The following DLGAP1 variants were observed in gnomAD, a reference collection of about 807,000 sequenced individuals.
The protein encoded by DLGAP1 is disks large-associated protein 1.
Under a neutral mutation model 90.8 loss-of-function variants are expected in DLGAP1, and 11 were observed. The observed-to-expected ratio is 0.12, with a 90% CI of 0.08 to 0.20. The LOEUF (loss-of-function observed/expected upper bound fraction) is 0.20. Among genes scored for constraint, DLGAP1 ranks in the 10% least tolerant of loss-of-function variants. The pLI is 1.00. For synonymous variants in DLGAP1, 558 were observed against 540.7 expected (o/e 1.03, Z -0.44); for missense variants, 1,050 against 1,333.8 (o/e 0.79, Z 3.31).
chr18:4,041,341 A>C (rs1390991125), intron 2 of DLGAP1, among the ~76,000 whole-genome samples: 2 of 152,214 alleles, frequency 1.3e-5, no homozygotes, highest in African/African-American at 4.8e-5. Flanking sequence ...TAAATGAGGA[A>C]TATGGAGTAG....
intron 1 of DLGAP1, among the ~76,000 whole-genome samples, chr18:4,375,515 G>A (rs898498398): frequency 6.6e-6 from 1 of 152,004 alleles, no homozygotes; most frequent in African/African-American, 2.4e-5. Flanking sequence ...TTAAGTTTTC[G>A]AAACTGAGAC....
intron 2 of DLGAP1, among the ~76,000 whole-genome samples, chr18:4,065,107 G>A (rs1035916574): frequency 6.6e-6 from 1 of 152,000 alleles, no homozygotes; most frequent in South Asian, 2.1e-4. Flanking sequence ...ATGCAGAAAC[G>A]TCTTTTGATA....
chr18:4,132,632 C>T (rs1417836051), intron 2 of DLGAP1, among the ~76,000 whole-genome samples: 1 of 152,154 alleles, frequency 6.6e-6, no homozygotes, highest in African/African-American at 2.4e-5. Flanking sequence ...ATCATATCAT[C>T]CTACAAAAGA....
At chr18:3,992,202 C>T (rs994466581) in intron 3 of DLGAP1, among the ~76,000 whole-genome samples, 1 of 152,154 alleles carries the variant, frequency 6.6e-6, no homozygotes. Context: ...ATTTAAAGCA[C>T]GTTTGAAAAG....
chr18:3,948,471 G>C (rs1030622670), intron 3 of DLGAP1, among the ~76,000 whole-genome samples: 9 of 152,146 alleles, frequency 5.9e-5, no homozygotes, highest in Non-Finnish European at 1.2e-4. Flanking sequence ...CCTTCCTACT[G>C]CCTGCCTCTC....
At chr18:3,530,917 G>C (rs1212247022) in intron 10 of DLGAP1, among the ~76,000 whole-genome samples, 2 of 152,190 alleles carry the variant, frequency 1.3e-5, no homozygotes, top group East Asian at 3.8e-4. Context: ...CGATAAGCTA[G>C]TCAGTCATTT....
At chr18:4,216,470 C>A (rs1369915831) in intron 1 of DLGAP1, among the ~76,000 whole-genome samples, 1 of 152,030 alleles carries the variant, frequency 6.6e-6, no homozygotes, top group Non-Finnish European at 1.5e-5. Flanking sequence ...TTTTAAACAC[C>A]ATTTTGAATG....
chr18:3,891,025 A>C (rs570673984), intron 3 of DLGAP1, among the ~76,000 whole-genome samples: 45 of 152,370 alleles, frequency 3.0e-4, no homozygotes, highest in African/African-American at 1.0e-3. Flanking sequence ...TATTTATTGA[A>C]TAGCTATTAT....
At chr18:4,363,886 A>G (rs4401127) in intron 1 of DLGAP1, among the ~76,000 whole-genome samples, 3 of 151,934 alleles carry the variant, frequency 2.0e-5, no homozygotes, top group Admixed American at 2.0e-4. Flanking sequence ...TACCATTTGA[A>G]CCAGCCATCC....
At chr18:4,389,917 T>A (rs2082307691) in intron 1 of DLGAP1, among the ~76,000 whole-genome samples, 1 of 152,212 alleles carries the variant, frequency 6.6e-6, no homozygotes, top group African/African-American at 2.4e-5. Flanking sequence ...TAAATCTAGA[T>A]GTCTATTTCC....
intron 4 of DLGAP1, among the ~76,000 whole-genome samples, chr18:3,844,364 C>A (rs1450901802): frequency 6.6e-6 from 1 of 152,192 alleles, no homozygotes; most frequent in Non-Finnish European, 1.5e-5. Context: ...ATGATAATTT[C>A]TTCCCCAGCT....
At chr18:3,788,296 G>A (rs139883211) in intron 5 of DLGAP1, among the ~76,000 whole-genome samples, 23 of 152,276 alleles carry the variant, frequency 1.5e-4, no homozygotes, top group African/African-American at 4.8e-4. Context: ...GAAAGATAGG[G>A]AGGAAACTTT....
intron 3 of DLGAP1, among the ~76,000 whole-genome samples, chr18:4,002,091 A>G (rs2074198402): frequency 6.6e-6 from 1 of 152,038 alleles, no homozygotes; most frequent in Non-Finnish European, 1.5e-5. Context: ...GTTGTCTGGG[A>G]GGTCTTGCTT....
chr18:3,639,065 G>C (rs898484209), intron 7 of DLGAP1, among the ~76,000 whole-genome samples: 2 of 152,046 alleles, frequency 1.3e-5, no homozygotes, highest in African/African-American at 2.4e-5. Context: ...GTTTTGAAAG[G>C]AAAAATCTGG....
chr18:4,339,844 GAAGATATGCTT>G (rs1174556542), intron 1 of DLGAP1, among the ~76,000 whole-genome samples: 6 of 152,170 alleles, frequency 3.9e-5, no homozygotes, highest in Non-Finnish European at 8.8e-5. Flanking sequence ...AAAAGTGAAA[GAAGATATGCTT>G]TGACATAGGA....
intron 1 of DLGAP1, among the ~76,000 whole-genome samples, chr18:4,220,602 T>C (rs2078054650): frequency 6.6e-6 from 1 of 152,160 alleles, no homozygotes; most frequent in African/African-American, 2.4e-5. Context: ...TCAAAACGTT[T>C]CCATTTGCCT....
chr18:4,117,907 G>A (rs1190147681), intron 2 of DLGAP1, among the ~76,000 whole-genome samples: 4 of 152,154 alleles, frequency 2.6e-5, no homozygotes, highest in Admixed American at 6.5e-5. Context: ...GGATTATTCC[G>A]TATGTGGTTT....
intron 1 of DLGAP1, among the ~76,000 whole-genome samples, chr18:4,401,131 T>C (rs11874388): frequency 0.094 from 14,324 of 152,174 alleles, 1,208 homozygotes; most frequent in African/African-American, 0.23. Context: ...CAGAGGCACT[T>C]CAAAATGGTT....
intron 5 of DLGAP1, among the ~76,000 whole-genome samples, chr18:3,800,720 T>C (rs1188326887): frequency 6.6e-6 from 1 of 152,134 alleles, no homozygotes; most frequent in Admixed American, 6.6e-5. Flanking sequence ...TTTATGAGTA[T>C]TATATTTTGT....
Sources: allele counts gnomAD v4.1 joint callset (sites outside exome capture counted in the v4.1 genomes callset), GRCh38; gene constraint gnomAD v4.1.1; transcripts MANE v1.5; gene names NCBI Gene and HGNC (gene_info 2026-07-23, HGNC 2026-07-21).